Variants in LPCAT1 observed in about 807,000 individuals in gnomAD.
The protein encoded by LPCAT1 is 1-acylglycerol-3-phosphate O-acyltransferase.
LPCAT1 carries 23 observed loss-of-function variants against 60.9 expected under a neutral mutation model. The ratio of observed to expected loss-of-function variants is 0.38; its 90% CI spans 0.27 to 0.53. The LOEUF (loss-of-function observed/expected upper bound fraction) is 0.53, where lower values mean the gene tolerates loss of function less well. Ranked by LOEUF, LPCAT1 falls within the 20% of genes least tolerant of loss-of-function variation. The pLI is 0.82. For synonymous variants in LPCAT1, 340 were observed against 301.1 expected (o/e 1.13, Z -1.34); for missense variants, 622 against 723.6 (o/e 0.86, Z 1.61).
chr5:1,488,390 C>G lies in LPCAT1; in HGVS notation c.667+1G>C. 1 of 1,566,288 alleles carries G rather than the reference C, an allele frequency of 6.4e-7. No homozygotes were observed. ...AATAAACATTTAAGAAAACTACATA[C>G]CAGGTTTGAAGGTAATTAGGCAGGT... is the stretch of plus-strand genomic sequence containing the variant. On this transcript the variant is annotated splice_donor_variant, in intron 5 of 13. Transcript: ENST00000283415. LOFTEE classifies it high-confidence loss of function.
In LPCAT1 at chr5:1,517,268, C is replaced by T. The variant is rs759189667; in HGVS notation, c.135+6442G>A. The stretch of plus-strand genomic sequence containing the variant: ...ACCATAGCACTTTTGTCATGGGCCG[C>T]GTGGGGATGAGGGCCCTGGAAACAG... On this transcript the variant is annotated intron_variant, in intron 1 of 13. Transcript: ENST00000283415. Among the ~76,000 whole-genome samples, 6 of 152,128 alleles carry T rather than the reference C, an allele frequency of 3.9e-5. No homozygotes were observed. The South Asian group carries it at 6.2e-4, about 16-fold the overall frequency.
rs1041819230 is a variant in LPCAT1 at position 1,495,414 on chromosome 5, G to A, written c.279-500C>T. ...ATCTCATCTCCACAGGAAGCCCGGG[G>A]TTCCCACAACCAGGCGTTGTGTTAT... On this transcript the variant is annotated intron_variant, in intron 2 of 13. Transcript: ENST00000283415. The surrounding 1 kb of genome is among the most constrained non-coding windows in gnomAD (Gnocchi z 4.7). 6.6e-6 allele frequency among the ~76,000 whole-genome samples: 1 copy of A among 152,136 alleles called. No individual in the cohort carries two copies. Among genetic ancestry groups the A allele is most frequent in the Non-Finnish European group, 1.5e-5 (1 of 68,030 alleles).
intron 12 of LPCAT1, among the ~76,000 whole-genome samples, chr5:1,467,628 AG>A (rs1232296663): frequency 1.3e-5 from 2 of 152,052 alleles, no homozygotes; most frequent in Non-Finnish European, 2.9e-5. Context: ...CCCCTTGATC[AG>A]GGCCCGCCCA....
In LPCAT1 at chr5:1,522,279, T is replaced by A. The variant is rs894363287; in HGVS notation, c.135+1431A>T. On this transcript the variant is annotated intron_variant, in intron 1 of 13. Coordinates refer to ENST00000283415, the MANE Select transcript of LPCAT1 (RefSeq NM_024830.5). This position sits in a 1 kb window ranked among gnomAD's most constrained non-coding sequence, Gnocchi z 6.8. ...CCTGGTGGCTGGGTGGGGGTGAGGA[T>A]TGAAGAGGAGGAATGGTTGAGGGGC... 6.6e-6 allele frequency among the ~76,000 whole-genome samples: 1 copy of A among 151,840 alleles called. No individual in the cohort carries two copies. The highest frequency in any genetic ancestry group is 1.5e-5 in the Non-Finnish European group (1 of 67,938).
At chr5:1,468,385 A>T (rs1734527213) in intron 12 of LPCAT1, among the ~76,000 whole-genome samples, 1 of 152,216 alleles carries the variant, frequency 6.6e-6, no homozygotes, top group Non-Finnish European at 1.5e-5. Context: ...CTTCAGGGCC[A>T]CGGCCTCCAG....
chr5:1,480,362 T>G lies in LPCAT1; in HGVS notation c.761+580A>C. 1.0e-6 allele frequency: 1 copy of G among 985,156 alleles called. No homozygotes were observed. The highest frequency in any genetic ancestry group is 1.2e-6 in the Non-Finnish European group (1 of 829,862). The allele number at this position is 985,156 out of a possible 1,614,324, so 61.0% of individuals were successfully genotyped here. A position where few individuals can be genotyped will look rare whatever the true frequency, so the allele number is the denominator to read the frequency against. Reference sequence around the variant, plus strand: ...TCCCAAACGCCTGGAATGGAGCTGCTCTCTCTTGGACTTTCCCGCTCCCTC... The same window carrying G: ...TCCCAAACGCCTGGAATGGAGCTGCGCTCTCTTGGACTTTCCCGCTCCCTC... On this transcript the variant is annotated intron_variant, in intron 7 of 13. Coordinates refer to ENST00000283415, the MANE Select transcript of LPCAT1 (RefSeq NM_024830.5). The surrounding 1 kb of genome is among the most constrained non-coding windows in gnomAD (Gnocchi z 6.4).
chr5:1,466,285 T>G (rs1224395483), intron 13 of LPCAT1, among the ~76,000 whole-genome samples: 1 of 151,750 alleles, frequency 6.6e-6, no homozygotes, highest in Non-Finnish European at 1.5e-5. Flanking sequence ...GACAGGTGAC[T>G]TTTCTCGGGA....
At chr5:1,485,221 C>T (rs1735325385) in intron 5 of LPCAT1, among the ~76,000 whole-genome samples, 1 of 152,160 alleles carries the variant, frequency 6.6e-6, no homozygotes, top group Admixed American at 6.5e-5. Context: ...TCAGGAAAGT[C>T]CCCAAGAGCA....
Position 1,502,170 on chromosome 5 carries a change from A to T in LPCAT1, c.136-567T>A, listed in dbSNP as rs36984. ...GAGTGGCTTGGGAAAGACACAGTGG[A>T]GCTTCCTCCTGCAAATTCAAGGGCC... On this transcript the variant is annotated intron_variant, in intron 1 of 13. Coordinates refer to ENST00000283415, the MANE Select transcript of LPCAT1 (RefSeq NM_024830.5). This position sits in a 1 kb window ranked among gnomAD's most constrained non-coding sequence, Gnocchi z 5.5. 3.3e-5 allele frequency among the ~76,000 whole-genome samples: 5 copies of T among 151,930 alleles called. No homozygotes were observed. The highest frequency in any genetic ancestry group is 1.2e-4 in the African/African-American group (5 of 41,334).
intron 1 of LPCAT1, among the ~76,000 whole-genome samples, chr5:1,520,626 C>T (rs770317984): frequency 3.3e-5 from 5 of 151,768 alleles, no homozygotes; most frequent in Admixed American, 6.6e-5. Context: ...TTTGGGAGGC[C>T]GAGGCGGGAG....
intron 1 of LPCAT1, among the ~76,000 whole-genome samples, chr5:1,515,949 C>A (rs925919599): frequency 2.0e-5 from 3 of 152,282 alleles, no homozygotes; most frequent in Non-Finnish European, 4.4e-5. Context: ...TGAGGCAAGG[C>A]TGACCCCTGC....
rs1291200683 is a variant in LPCAT1 at position 1,477,292 on chromosome 5, ACTT to A, written c.899+109_899+111del. Reference sequence around the variant, plus strand: ...CAACATGCATGAAGCTGGTTCCCGCACTTCTGCAAGAATGCCTTTTCCTAACGC... The same window carrying A: ...CAACATGCATGAAGCTGGTTCCCGCACTGCAAGAATGCCTTTTCCTAACGC... On this transcript the variant is annotated intron_variant, in intron 9 of 13. Coordinates refer to ENST00000283415, the MANE Select transcript of LPCAT1 (RefSeq NM_024830.5). This position sits in a 1 kb window ranked among gnomAD's most constrained non-coding sequence, Gnocchi z 6.0. 1.2e-6 allele frequency: 1 copy of A among 860,050 alleles called. No homozygotes were observed. Among genetic ancestry groups the A allele is most frequent in the Admixed American group, 2.1e-5 (1 of 48,060 alleles). The allele number at this position is 860,050 out of a possible 1,614,324, so 53.3% of individuals were successfully genotyped here.
intron 13 of LPCAT1, among the ~76,000 whole-genome samples, chr5:1,465,892 C>T (rs1292549500): frequency 2.6e-5 from 4 of 151,506 alleles, no homozygotes; most frequent in South Asian, 2.1e-4. Flanking sequence ...CAGGCGCACA[C>T]GCACACACAC....
At chr5:1,467,057 C>G in intron 12 of LPCAT1, 167 bp from the exon 13 acceptor site, 1 of 612,798 alleles carries the variant, frequency 1.6e-6, no homozygotes. Context: ...AGCCATGCAG[C>G]AGGGCCCTGT....
At chr5:1,514,513 C>A (rs1252211232) in intron 1 of LPCAT1, among the ~76,000 whole-genome samples, 7 of 152,196 alleles carry the variant, frequency 4.6e-5, no homozygotes, top group African/African-American at 1.7e-4. Context: ...GACTCAAAGT[C>A]CACACGGGGC....
chr5:1,513,600 C>T (rs1488347342), intron 1 of LPCAT1, among the ~76,000 whole-genome samples: 3 of 152,190 alleles, frequency 2.0e-5, no homozygotes, highest in Non-Finnish European at 2.9e-5. Context: ...TTACACCTGA[C>T]CCATTTCCAC....
intron 13 of LPCAT1, among the ~76,000 whole-genome samples, chr5:1,465,868 GAAAC>G (rs55732074): frequency 0.39 from 59,098 of 151,130 alleles, 13,331 homozygotes; most frequent in Non-Finnish European, 0.52. Context: ...TTTCAGTACT[GAAAC>G]AAACGCACAC....
At chr5:1,509,577 G>A (rs1015795281) in intron 1 of LPCAT1, among the ~76,000 whole-genome samples, 1 of 152,196 alleles carries the variant, frequency 6.6e-6, no homozygotes, top group African/African-American at 2.4e-5. Context: ...GCATCTGAGA[G>A]CTGGAGGGAG....
intron 4 of LPCAT1, among the ~76,000 whole-genome samples, chr5:1,488,718 C>T (rs758368652): frequency 1.3e-5 from 2 of 152,196 alleles, no homozygotes; most frequent in Non-Finnish European, 2.9e-5. Flanking sequence ...GCAGGGTAGT[C>T]GCGGTGCCCA....
Sources: allele counts gnomAD v4.1 joint callset (sites outside exome capture counted in the v4.1 genomes callset), GRCh38; gene constraint gnomAD v4.1.1; non-coding constraint Gnocchi (gnomAD v3.1); transcripts MANE v1.5; gene names NCBI Gene and HGNC (gene_info 2026-07-23, HGNC 2026-07-21).